The following KIF1A variants were observed in gnomAD, a reference collection of about 807,000 sequenced individuals.
KIF1A encodes kinesin-like protein KIF1A.
In KIF1A, 46 loss-of-function variants were observed where a neutral mutation model predicts 227.3. That is an observed-to-expected ratio of 0.20 (90% CI 0.16 to 0.26). KIF1A has a LOEUF of 0.26. Ranked by LOEUF, KIF1A falls within the 10% of genes least tolerant of loss-of-function variation. The probability of loss-of-function intolerance (pLI) is 1.00; values close to 1 mark genes in which losing one functional copy is unlikely to be tolerated. For synonymous variants in KIF1A, 1,022 were observed against 1,012.8 expected, an observed-to-expected ratio of 1.01 and a Z score of -0.17; for missense variants, 1,683 against 2,485.9, an observed-to-expected ratio of 0.68 and a Z score of 6.87.
At chr2:240,745,405 G>C in intron 32 of KIF1A, 22 bp downstream of exon 32, 1 of 1,579,000 alleles carries the variant, frequency 6.3e-7, no homozygotes, top group Admixed American at 1.7e-5. Flanking sequence ...GCAGGGATGG[G>C]GAGAAGTGCC....
chr2:240,788,279 G>A lies in KIF1A; in HGVS notation c.184-49C>T. 1.3e-6 allele frequency: 2 copies of A among 1,572,900 alleles called. No individual in the cohort carries two copies. The highest frequency in any genetic ancestry group is 2.3e-5 in the East Asian group (1 of 44,384). On this transcript the variant is annotated intron_variant, in intron 3 of 48. Coordinates refer to ENST00000498729, the MANE Select transcript of KIF1A (RefSeq NM_001244008.2). This position sits in a 1 kb window ranked among gnomAD's most constrained non-coding sequence, Gnocchi z 6.6. ...GTTGCAGGAGGCTGGGTGCATCCGA[G>A]GCTCAGCCCATCATGTCTGCGGAGC...
At chr2:240,728,297 G>T in intron 38 of KIF1A, 1 of 762,338 alleles carries the variant, frequency 1.3e-6, no homozygotes, top group Non-Finnish European at 2.0e-6. Context: ...CAGAGAAAGG[G>T]CATAGAAGCA....
chr2:240,793,299 G>A lies in KIF1A; in HGVS notation c.107-3987C>T, dbSNP rs570175946. Among the ~76,000 whole-genome samples the A allele has an allele frequency of 2.0e-5, 3 of 152,340 alleles. No individual in the cohort carries two copies. The highest frequency in any genetic ancestry group is 3.4e-3 in the Middle Eastern group (1 of 294). On this transcript the variant is annotated intron_variant, in intron 2 of 48. Transcript: ENST00000498729. The surrounding 1 kb of genome is among the most constrained non-coding windows in gnomAD (Gnocchi z 4.8). ...CCAGAAGAGTGCAGATATGATTGGG[G>A]ACCTCAGGGAGTACCCAGCACCACC...
At chr2:240,806,238 T>C (rs1447615481) in intron 1 of KIF1A, among the ~76,000 whole-genome samples, 2 of 151,998 alleles carry the variant, frequency 1.3e-5, no homozygotes, top group South Asian at 4.2e-4. Flanking sequence ...CAGCTGGAGG[T>C]TGTGAGTCAG....
chr2:240,816,455 G>A lies in KIF1A; in HGVS notation c.-61+3667C>T, dbSNP rs2058331952. ...GGTGACTGCTCTGGACCCCTCCAGG[G>A]CACTGTGGGGAGGGGTGAGGAATAA... On this transcript the variant is annotated intron_variant, in intron 1 of 48. Coordinates refer to ENST00000498729, the MANE Select transcript of KIF1A (RefSeq NM_001244008.2). 2.0e-5 allele frequency among the ~76,000 whole-genome samples: 3 copies of A among 152,194 alleles called. No homozygotes were observed. In the South Asian group the frequency reaches 6.2e-4, roughly 32 times the overall value.
chr2:240,723,661 T>G, intron 41 of KIF1A, 103 bp from the exon 42 acceptor site: 1 of 1,308,938 alleles, frequency 7.6e-7, no homozygotes, highest in Non-Finnish European at 1.0e-6. Flanking sequence ...CCCTCTGGAG[T>G]GGAGATGGGC....
Position 240,750,411 on chromosome 2 carries a change from C to T in KIF1A, c.2977+18G>A, listed in dbSNP as rs755980146. ...CCAGGGGCTCCAATGCCACACACGG[C>T]CTTTGGCCCACACGCACCTGAGATG... On this transcript the variant is annotated intron_variant, in intron 28 of 48. Coordinates refer to ENST00000498729, the MANE Select transcript of KIF1A (RefSeq NM_001244008.2). The T allele has an allele frequency of 1.3e-6, 2 of 1,588,278 alleles. No homozygotes were observed. Among genetic ancestry groups the T allele is most frequent in the African/African-American group, 1.3e-5 (1 of 74,434 alleles).
chr2:240,750,921 C>T (rs1054233185), intron 27 of KIF1A, among the ~76,000 whole-genome samples: 19 of 152,208 alleles, frequency 1.2e-4, no homozygotes, highest in Non-Finnish European at 1.8e-4. Flanking sequence ...CCTTTTCACA[C>T]TGGCACTGAT....
rs1441709046 is a variant in KIF1A, at chr2:240,719,036, C to T, written c.5184G>A (p.Glu1728=). The change falls in exon 47 of 49, where the codon GAG becomes GAA. Residue 1728 remains glutamate (E), a synonymous_variant. Coordinates refer to ENST00000498729, the MANE Select transcript of KIF1A (RefSeq NM_001244008.2). ...GCATAGCCTGCTGGTCCTCACTGTA[C>T]TCCACCTGGGCAGTGGCCAGGTTGA... ...FVLNLATAQV[E]YSEDQQAMLK... The T allele has an allele frequency of 2.5e-6, 4 of 1,611,778 alleles. No individual in the cohort carries two copies. The East Asian group carries it at 6.7e-5, about 27-fold the overall frequency.
At position 240,769,081 on chromosome 2, in the gene KIF1A, A is replaced by G. The variant is rs1347786678; in HGVS notation, c.1497+52T>C. On this transcript the variant is annotated intron_variant, in intron 17 of 48. Transcript: ENST00000498729. ...CTGGCTCTACCTGAGACAGCACCTC[A>G]CCTGGTCCTGTTCAGATGAGGGCAG... The G allele has an allele frequency of 3.4e-6, 5 of 1,491,656 alleles. No individual in the cohort carries two copies. In the Middle Eastern group the frequency reaches 5.1e-4, roughly 153 times the overall value. 92.4% of individuals were successfully genotyped at this position (1,491,656 alleles called of 1,614,324 possible). A position where few individuals can be genotyped will look rare whatever the true frequency, so the allele number is the denominator to read the frequency against.
At chr2:240,791,526 C>T (rs1022030799) in intron 2 of KIF1A, among the ~76,000 whole-genome samples, 1 of 110,298 alleles carries the variant, frequency 9.1e-6, no homozygotes, top group African/African-American at 3.5e-5. Flanking sequence ...GCCCCATCCA[C>T]CCCCTCGCCT....
rs2051142998 is a variant in KIF1A at position 240,766,145 on chromosome 2, G to A, written c.1685-352C>T. ...TGGGCCGTCCCACAGGAGAGGGTAG[G>A]CAGGGCTTTGCAGTCAGAGAATTCC... On this transcript the variant is annotated intron_variant, in intron 19 of 48. Transcript: ENST00000498729. This position sits in a 1 kb window ranked among gnomAD's most constrained non-coding sequence, Gnocchi z 5.0. Among the ~76,000 whole-genome samples, 1 of 152,264 alleles carries A rather than the reference G, an allele frequency of 6.6e-6. No individual in the cohort carries two copies. The highest frequency in any genetic ancestry group is 2.4e-5 in the African/African-American group (1 of 41,482).
Position 240,717,212 on chromosome 2 carries a change from C to G in KIF1A, c.*152G>C. ...TGGGAGCACAGCTGGTCGTGTGGCA[C>G]AGGTCCCCGGGCCTGGCATGGGCGT... On this transcript the variant is annotated 3_prime_UTR_variant, in exon 49 of 49. Transcript: ENST00000498729. 1.6e-6 allele frequency: 1 copy of G among 643,778 alleles called. No individual in the cohort carries two copies. 39.9% of individuals were successfully genotyped at this position (643,778 alleles called of 1,614,324 possible).
chr2:240,735,373 C>A (rs2047198549), intron 38 of KIF1A, among the ~76,000 whole-genome samples: 1 of 118,108 alleles, frequency 8.5e-6, no homozygotes. Context: ...ACAGGGTGGC[C>A]TGAGGTCCAG....
rs2054377941 is a variant in KIF1A, at chr2:240,783,830, T to C, written c.721-14A>G. ...GATTTTGCTCACCTGAAACAGTAGA[T>C]ACATCACATGCAGGAAAGGCCACAA... On this transcript the variant is annotated splice_polypyrimidine_tract_variant and intron_variant, in intron 7 of 48. Transcript: ENST00000498729. 1.9e-6 allele frequency: 3 copies of C among 1,576,442 alleles called. No individual in the cohort carries two copies. The highest frequency in any genetic ancestry group is 1.8e-5 in the Admixed American group (1 of 56,146).
Position 240,789,229 on chromosome 2 carries a change from G to C in KIF1A, c.183+7C>G. Reference sequence around the variant, plus strand: ...CCCGCCTCCCCCGACCCGGGGTCCCGGCTTACTGAGGTGTGCGACCAGTAG... The same window carrying C: ...CCCGCCTCCCCCGACCCGGGGTCCCCGCTTACTGAGGTGTGCGACCAGTAG... On this transcript the variant is annotated splice_region_variant and intron_variant, in intron 3 of 48. Coordinates refer to ENST00000498729, the MANE Select transcript of KIF1A (RefSeq NM_001244008.2). The surrounding 1 kb of genome is among the most constrained non-coding windows in gnomAD (Gnocchi z 4.8). 1 of 1,612,808 alleles carries C rather than the reference G, an allele frequency of 6.2e-7. No homozygotes were observed. The highest frequency in any genetic ancestry group is 8.5e-7 in the Non-Finnish European group (1 of 1,178,846).
At chr2:240,815,151 A>G (rs1303882621) in intron 1 of KIF1A, among the ~76,000 whole-genome samples, 2 of 152,168 alleles carry the variant, frequency 1.3e-5, no homozygotes, top group African/African-American at 4.8e-5. Flanking sequence ...TGGGGACCAG[A>G]TGACACCAAG....
intron 1 of KIF1A, among the ~76,000 whole-genome samples, chr2:240,800,117 C>T (rs3755538): frequency 0.31 from 45,290 of 146,858 alleles, 6,634 homozygotes; most frequent in East Asian, 0.39. Context: ...CACACACACA[C>T]ACACACACAC....
rs77953848 is a variant in KIF1A, at chr2:240,790,698, A to G, written c.107-1386T>C. 9.5e-3 allele frequency among the ~76,000 whole-genome samples: 1,448 copies of G among 152,194 alleles called. 9 individuals are homozygous for G. Among genetic ancestry groups the G allele is most frequent in the Middle Eastern group, 0.024 (7 of 294 alleles). ...CCTAATCTAGTGCTGCCATGTCCTT[A>G]TAAAAGAGGAGATTTGGAGACAGGG... On this transcript the variant is annotated intron_variant, in intron 2 of 48. Coordinates refer to ENST00000498729, the MANE Select transcript of KIF1A (RefSeq NM_001244008.2). This position sits in a 1 kb window ranked among gnomAD's most constrained non-coding sequence, Gnocchi z 5.0.
Sources: gnomAD v4.1 joint callset for allele counts (sites outside exome capture counted in the v4.1 genomes callset) on GRCh38, gnomAD v4.1.1 for gene constraint, Gnocchi (gnomAD v3.1) non-coding constraint, MANE v1.5 for transcripts, NCBI Gene and HGNC (gene_info 2026-07-23, HGNC 2026-07-21) for gene names.